Variants in KCNQ5 observed in about 807,000 individuals in gnomAD.
The protein encoded by KCNQ5 is potassium voltage-gated channel subfamily Q member 5, also known as potassium voltage-gated channel subfamily KQT member 5.
In KCNQ5, 30 loss-of-function variants were observed where a neutral mutation model predicts 98.2. The ratio of observed to expected loss-of-function variants is 0.31; its 90% CI spans 0.23 to 0.41. The LOEUF (loss-of-function observed/expected upper bound fraction) is 0.41, where lower values mean the gene tolerates loss of function less well. KCNQ5 is among the 10% of genes least tolerant of loss of function. The pLI, the probability that KCNQ5 is intolerant of heterozygous loss-of-function variation, is 1.00. For synonymous variants in KCNQ5, 458 were observed against 449.4 expected (o/e 1.02, Z -0.24); for missense variants, 835 against 1,182.5 (o/e 0.71, Z 4.31).
At chr6:72,883,238 A>G (rs1446641545) in intron 1 of KCNQ5, among the ~76,000 whole-genome samples, 1 of 152,142 alleles carries the variant, frequency 6.6e-6, no homozygotes, top group Non-Finnish European at 1.5e-5. Context: ...CACTGTTTCT[A>G]TCTATTTATT....
At chr6:72,826,643 A>G (rs1227771633) in intron 1 of KCNQ5, among the ~76,000 whole-genome samples, 4 of 152,122 alleles carry the variant, frequency 2.6e-5, no homozygotes, top group African/African-American at 7.2e-5. Flanking sequence ...GTGATGTTTC[A>G]ATCCATATAA....
chr6:72,826,192 G>T (rs1486978476), intron 1 of KCNQ5, among the ~76,000 whole-genome samples: 1 of 152,110 alleles, frequency 6.6e-6, no homozygotes, highest in Admixed American at 6.6e-5. Context: ...ACCATCAAAA[G>T]ATACATATAC....
chr6:72,836,486 C>T (rs1002794451), intron 1 of KCNQ5, among the ~76,000 whole-genome samples: 1 of 152,068 alleles, frequency 6.6e-6, no homozygotes, highest in Non-Finnish European at 1.5e-5. Context: ...CACCCAGGCT[C>T]ATCATACAGT....
chr6:72,860,633 A>G (rs1777724901), intron 1 of KCNQ5, among the ~76,000 whole-genome samples: 1 of 152,126 alleles, frequency 6.6e-6, no homozygotes, highest in African/African-American at 2.4e-5. Context: ...ACTTTTAGAG[A>G]ATCAATGTAT....
At chr6:73,029,024 C>T (rs1198678017) in intron 2 of KCNQ5, among the ~76,000 whole-genome samples, 5 of 152,130 alleles carry the variant, frequency 3.3e-5, no homozygotes, top group Non-Finnish European at 5.9e-5. Context: ...GAGGCCGTCA[C>T]CCATCAGAGG....
At chr6:72,913,748 C>T (rs1210329900) in intron 1 of KCNQ5, among the ~76,000 whole-genome samples, 1 of 152,150 alleles carries the variant, frequency 6.6e-6, no homozygotes, top group Admixed American at 6.5e-5. Flanking sequence ...TAAGAAAAGA[C>T]AGATTAACAA....
At chr6:72,909,872 T>G (rs1779855775) in intron 1 of KCNQ5, among the ~76,000 whole-genome samples, 1 of 152,188 alleles carries the variant, frequency 6.6e-6, no homozygotes, top group African/African-American at 2.4e-5. Flanking sequence ...GATTAAAGAT[T>G]TTGGACATCC....
chr6:72,926,127 CTGAG>C (rs1765407907), intron 1 of KCNQ5, among the ~76,000 whole-genome samples: 1 of 152,124 alleles, frequency 6.6e-6, no homozygotes, highest in South Asian at 2.1e-4. Flanking sequence ...AGAGCTGAGG[CTGAG>C]TGTCTGCTTG....
At chr6:72,687,295 A>G (rs1218781634) in intron 1 of KCNQ5, among the ~76,000 whole-genome samples, 4 of 152,178 alleles carry the variant, frequency 2.6e-5, no homozygotes, top group Admixed American at 2.6e-4. Context: ...TGTTATGTCT[A>G]TTGTATATGT....
intron 3 of KCNQ5, among the ~76,000 whole-genome samples, chr6:73,047,559 A>G (rs1772027382): frequency 6.6e-6 from 1 of 152,266 alleles, no homozygotes; most frequent in African/African-American, 2.4e-5. Context: ...ATTAGCTGAT[A>G]TGGTTGGACC....
chr6:73,090,102 T>C (rs557871572), intron 5 of KCNQ5, among the ~76,000 whole-genome samples: 3 of 82,750 alleles, frequency 3.6e-5, no homozygotes, highest in African/African-American at 8.1e-5. Flanking sequence ...ATTATGGCCA[T>C]TTTTGCAGGA....
intron 2 of KCNQ5, among the ~76,000 whole-genome samples, chr6:73,008,241 T>A (rs1254425124): frequency 1.8e-4 from 27 of 151,874 alleles, no homozygotes. Flanking sequence ...AAGAGCAAAA[T>A]GATGAAAGCG....
chr6:72,780,279 A>G (rs1355326641), intron 1 of KCNQ5, among the ~76,000 whole-genome samples: 1 of 152,176 alleles, frequency 6.6e-6, no homozygotes, highest in African/African-American at 2.4e-5. Context: ...TCCATATGTT[A>G]TACTTCCTCC....
At chr6:72,968,958 T>A (rs1181715856) in intron 1 of KCNQ5, among the ~76,000 whole-genome samples, 1 of 152,166 alleles carries the variant, frequency 6.6e-6, no homozygotes, top group African/African-American at 2.4e-5. Flanking sequence ...AATTGGTATG[T>A]GATGACTTTA....
chr6:73,135,670 T>G (rs762536674), intron 10 of KCNQ5: 1 of 152,218 alleles, frequency 6.6e-6, no homozygotes, highest in Non-Finnish European at 1.5e-5. Flanking sequence ...GACTATGTAA[T>G]GATGTTTAAT....
chr6:73,002,593 T>C (rs1438995189), intron 1 of KCNQ5, among the ~76,000 whole-genome samples: 1 of 152,148 alleles, frequency 6.6e-6, no homozygotes, highest in African/African-American at 2.4e-5. Context: ...ATAGAAAACA[T>C]GTTGGGATAA....
intron 9 of KCNQ5, among the ~76,000 whole-genome samples, 188 bp from the exon 10 acceptor site, chr6:73,133,233 G>A (rs562978135): frequency 3.6e-4 from 55 of 152,132 alleles, no homozygotes; most frequent in African/African-American, 1.0e-3. Context: ...GATTGATCTC[G>A]AATGCAAATA....
intron 5 of KCNQ5, among the ~76,000 whole-genome samples, chr6:73,099,988 A>G (rs1774692481): frequency 6.6e-6 from 1 of 152,266 alleles, no homozygotes; most frequent in African/African-American, 2.4e-5. Flanking sequence ...AATAATATCA[A>G]GTATCTTCTC....
At chr6:72,778,275 G>A (rs992135542) in intron 1 of KCNQ5, among the ~76,000 whole-genome samples, 3 of 152,116 alleles carry the variant, frequency 2.0e-5, no homozygotes, top group African/African-American at 4.8e-5. Context: ...AGTGGCTCAC[G>A]CCTCTAATCC....
Sources: allele counts gnomAD v4.1 joint callset (sites outside exome capture counted in the v4.1 genomes callset), GRCh38; gene constraint gnomAD v4.1.1; transcripts MANE v1.5; gene names NCBI Gene and HGNC (gene_info 2026-07-23, HGNC 2026-07-21).